Variants in GAS7 observed in about 807,000 individuals in gnomAD.
The protein encoded by GAS7 is growth arrest specific 7.
In GAS7, 28 loss-of-function variants were observed where a neutral mutation model predicts 71.1. That is an observed-to-expected ratio of 0.39 (90% CI 0.29 to 0.54). The LOEUF (loss-of-function observed/expected upper bound fraction) is 0.54. GAS7 is among the 20% of genes least tolerant of loss of function. The pLI, the probability that GAS7 is intolerant of heterozygous loss-of-function variation, is 0.62. For missense variants in GAS7, 436 were observed against 627.8 expected (o/e 0.69, Z 3.27); for synonymous variants, 258 against 245.8 (o/e 1.05, Z -0.46).
intron 1 of GAS7, among the ~76,000 whole-genome samples, chr17:10,127,394 G>A (rs1415664690): frequency 6.6e-6 from 1 of 152,120 alleles, no homozygotes; most frequent in African/African-American, 2.4e-5. Flanking sequence ...GCCAGCTGGG[G>A]ATGAGCAGGT....
chr17:10,042,919 T>G (rs547908129), intron 1 of GAS7, among the ~76,000 whole-genome samples: 1 of 152,324 alleles, frequency 6.6e-6, no homozygotes, highest in South Asian at 2.1e-4. Context: ...GTGGCTATGG[T>G]GACAGCCAGT....
intron 8 of GAS7, among the ~76,000 whole-genome samples, chr17:9,937,298 G>A (rs528773891): frequency 2.0e-5 from 3 of 152,238 alleles, no homozygotes; most frequent in South Asian, 4.1e-4. Flanking sequence ...TGGACTGCTC[G>A]GGTGAGGAGC....
chr17:10,052,342 T>C (rs1264122922), intron 1 of GAS7, among the ~76,000 whole-genome samples: 1 of 152,162 alleles, frequency 6.6e-6, no homozygotes, highest in African/African-American at 2.4e-5. Flanking sequence ...AACTGTCAAA[T>C]TGATAATCAG....
intron 2 of GAS7, among the ~76,000 whole-genome samples, chr17:9,990,529 A>G (rs7218911): frequency 0.41 from 62,365 of 152,076 alleles, 14,336 homozygotes; most frequent in African/African-American, 0.62. Flanking sequence ...TCAGGAGGTG[A>G]GTGTGTTGGG....
chr17:10,085,435 G>A (rs1248134088), intron 1 of GAS7, among the ~76,000 whole-genome samples: 1 of 152,134 alleles, frequency 6.6e-6, no homozygotes, highest in African/African-American at 2.4e-5. Flanking sequence ...TGTAATCCCA[G>A]CACTTTGGGA....
intron 1 of GAS7, among the ~76,000 whole-genome samples, chr17:10,185,766 A>G (rs1219741007): frequency 1.3e-5 from 2 of 152,110 alleles, no homozygotes; most frequent in African/African-American, 4.8e-5. Flanking sequence ...GAAATATAAG[A>G]GGTTCAGCTG....
chr17:10,135,949 G>A (rs1172472697), intron 1 of GAS7, among the ~76,000 whole-genome samples: 1 of 152,190 alleles, frequency 6.6e-6, no homozygotes, highest in Non-Finnish European at 1.5e-5. Context: ...GAGTTCAGAT[G>A]TGGGGAGACA....
intron 9 of GAS7, among the ~76,000 whole-genome samples, chr17:9,933,462 A>G (rs1373285948): frequency 6.6e-6 from 1 of 152,202 alleles, no homozygotes; most frequent in Non-Finnish European, 1.5e-5. Flanking sequence ...TTAAATTTTC[A>G]GGAATTCTGT....
intron 1 of GAS7, among the ~76,000 whole-genome samples, chr17:10,029,712 C>T (rs527413425): frequency 1.4e-4 from 21 of 152,062 alleles, no homozygotes; most frequent in South Asian, 1.0e-3. Flanking sequence ...ATTAGCCAGA[C>T]GTGGTGGTGC....
intron 1 of GAS7, among the ~76,000 whole-genome samples, chr17:10,033,189 AT>A (rs1259257124): frequency 1.3e-5 from 2 of 152,176 alleles, no homozygotes; most frequent in Non-Finnish European, 2.9e-5. Flanking sequence ...TTTGAAGGAC[AT>A]TTTGTAGATT....
intron 1 of GAS7, among the ~76,000 whole-genome samples, chr17:10,169,971 T>C (rs925068655): frequency 6.6e-6 from 1 of 152,124 alleles, no homozygotes; most frequent in Admixed American, 6.5e-5. Flanking sequence ...CCAAAAACCT[T>C]GAAACTCGCT....
intron 1 of GAS7, among the ~76,000 whole-genome samples, chr17:10,038,615 C>T (rs2072802479): frequency 6.6e-6 from 1 of 151,388 alleles, no homozygotes; most frequent in African/African-American, 2.4e-5. Flanking sequence ...ACATTATTCA[C>T]AAGAGCCAGA....
intron 1 of GAS7, among the ~76,000 whole-genome samples, chr17:10,175,673 T>C (rs1161682524): frequency 6.6e-6 from 1 of 152,170 alleles, no homozygotes; most frequent in Non-Finnish European, 1.5e-5. Flanking sequence ...TCTTTTTATT[T>C]GTACTTTGTA....
chr17:10,094,206 G>T (rs1045696953), intron 1 of GAS7, among the ~76,000 whole-genome samples: 1 of 152,172 alleles, frequency 6.6e-6, no homozygotes, highest in Non-Finnish European at 1.5e-5. Context: ...AGCAAGCCCT[G>T]GCAGTTAGCT....
At chr17:9,927,143 G>C (rs1333357940) in intron 9 of GAS7, 1 of 184,456 alleles carries the variant, frequency 5.4e-6, no homozygotes, top group Non-Finnish European at 1.2e-5. Context: ...TTGTGGAATG[G>C]CTAAATCAAG....
intron 4 of GAS7, among the ~76,000 whole-genome samples, chr17:9,962,008 G>T (rs1017062613): frequency 3.9e-5 from 6 of 152,184 alleles, no homozygotes; most frequent in African/African-American, 1.4e-4. Flanking sequence ...TGACGCAGAG[G>T]TCGCACCTCC....
At chr17:10,075,560 C>T (rs1221178626) in intron 1 of GAS7, among the ~76,000 whole-genome samples, 3 of 151,824 alleles carry the variant, frequency 2.0e-5, no homozygotes, top group Admixed American at 2.0e-4. Context: ...TTTGGAAGGC[C>T]GAGGTGGGAG....
At position 9,959,389 on chromosome 17, in the gene GAS7, C is replaced by G. The variant is rs185970743; in HGVS notation, c.472-134G>C. On this transcript the variant is annotated intron_variant, in intron 4 of 13. Transcript: ENST00000432992. The surrounding 1 kb of genome is among the most constrained non-coding windows in gnomAD (Gnocchi z 5.0). ...AGTCTGAATCCTAAGTCACCATATT[C>G]TGGGCCAGGGCAAGCAGGGGTCTCC... 6.6e-7 allele frequency: 1 copy of G among 1,515,888 alleles called. No individual in the cohort carries two copies. Among genetic ancestry groups the G allele is most frequent in the African/African-American group, 1.4e-5 (1 of 72,842 alleles). 93.9% of individuals were successfully genotyped at this position (1,515,888 alleles called of 1,614,324 possible). A position where few individuals can be genotyped will look rare whatever the true frequency, so the allele number is the denominator to read the frequency against.
chr17:10,051,152 G>C (rs2073056556), intron 1 of GAS7, among the ~76,000 whole-genome samples: 1 of 152,162 alleles, frequency 6.6e-6, no homozygotes, highest in African/African-American at 2.4e-5. Flanking sequence ...GGAAAATGCA[G>C]ATGCCACCAC....
Sources: allele counts gnomAD v4.1 joint callset (sites outside exome capture counted in the v4.1 genomes callset), GRCh38; gene constraint gnomAD v4.1.1; non-coding constraint Gnocchi (gnomAD v3.1); transcripts MANE v1.5; gene names NCBI Gene and HGNC (gene_info 2026-07-23, HGNC 2026-07-21).